The following RNLS variants were observed in gnomAD, a reference collection of about 807,000 sequenced individuals.
The protein encoded by RNLS is renalase.
In RNLS, 39 loss-of-function variants were observed where a neutral mutation model predicts 39.8. The observed-to-expected ratio is 0.98, with a 90% CI of 0.76 to 1.28. RNLS has a LOEUF of 1.28. Ranked by LOEUF, RNLS falls within the 50% of genes most tolerant of loss-of-function variation. The probability of loss-of-function intolerance (pLI) is 0.00; values close to 1 mark genes in which losing one functional copy is unlikely to be tolerated. For missense variants in RNLS, 410 were observed against 413.3 expected, an observed-to-expected ratio of 0.99 and a Z score of 0.07; for synonymous variants, 147 against 150.7, an observed-to-expected ratio of 0.98 and a Z score of 0.18.
chr10:88,524,384 A>G (rs1013403826), intron 4 of RNLS, among the ~76,000 whole-genome samples: 1 of 152,154 alleles, frequency 6.6e-6, no homozygotes, highest in Non-Finnish European at 1.5e-5. Flanking sequence ...ACAGTATGGT[A>G]TAGTATATAG....
intron 4 of RNLS, among the ~76,000 whole-genome samples, chr10:88,524,142 G>T (rs941630702): frequency 6.6e-6 from 1 of 151,886 alleles, no homozygotes; most frequent in Non-Finnish European, 1.5e-5. Flanking sequence ...AAGCTCTTTA[G>T]GTTTCCTGGC....
At chr10:88,579,394 G>A (rs1350613354) in intron 3 of RNLS, among the ~76,000 whole-genome samples, 1 of 152,122 alleles carries the variant, frequency 6.6e-6, no homozygotes, top group Admixed American at 6.6e-5. Flanking sequence ...TAGGTTTTAT[G>A]GCTGGTTTGG....
intron 4 of RNLS, among the ~76,000 whole-genome samples, chr10:88,567,886 TA>T (rs1849602604): frequency 1.3e-5 from 2 of 152,314 alleles, no homozygotes; most frequent in South Asian, 4.1e-4. Context: ...ATTAGTGGCA[TA>T]AAAAGCCATT....
At chr10:88,396,023 A>T (rs1336416642) in intron 4 of RNLS, among the ~76,000 whole-genome samples, 3 of 152,104 alleles carry the variant, frequency 2.0e-5, no homozygotes, top group Non-Finnish European at 4.4e-5. Context: ...AAATCAAGAC[A>T]CTTTCAAATA....
chr10:88,180,640 T>C, the RNLS span, among the ~76,000 whole-genome samples: 3 of 152,226 alleles, frequency 2.0e-5, no homozygotes, highest in Non-Finnish European at 4.4e-5. Flanking sequence ...AAAATATATG[T>C]TAATCTAAAA....
In RNLS at chr10:88,428,515, T is replaced by C. The variant is rs117475421; in HGVS notation, c.527-65790A>G. 6.7e-3 allele frequency among the ~76,000 whole-genome samples: 1,020 copies of C among 152,044 alleles called. 44 individuals are homozygous for C. Among genetic ancestry groups the C allele is most frequent in the Admixed American group, 0.059 (906 of 15,240 alleles). Reference sequence around the variant, plus strand: ...AGACTGATAAGACTGTCCATGTGGTTTTGACCCTTGGAGAGGATAGTGGGA... The same window carrying C: ...AGACTGATAAGACTGTCCATGTGGTCTTGACCCTTGGAGAGGATAGTGGGA... On this transcript the variant is annotated intron_variant, in intron 4 of 6. Transcript: ENST00000331772.
intron 4 of RNLS, among the ~76,000 whole-genome samples, chr10:88,536,121 C>T (rs1205642292): frequency 1.3e-5 from 2 of 152,172 alleles, no homozygotes; most frequent in Non-Finnish European, 2.9e-5. Flanking sequence ...GATTTCACTT[C>T]TCTGAGCCTG....
At chr10:88,279,287 A>G (rs1219587963), downstream of RNLS, among the ~76,000 whole-genome samples, 2 of 152,184 alleles carry the variant, frequency 1.3e-5, no homozygotes, top group Non-Finnish European at 2.9e-5. Flanking sequence ...ACGGCTATCA[A>G]AGGGGATTAT....
chr10:88,240,225 C>A, the RNLS span, among the ~76,000 whole-genome samples: 1 of 152,166 alleles, frequency 6.6e-6, no homozygotes, highest in Non-Finnish European at 1.5e-5. Context: ...CTATCCAAAA[C>A]CCTCATCTCC....
At chr10:88,222,703 TA>T in the RNLS span, among the ~76,000 whole-genome samples, 108,552 of 151,978 alleles carry the variant, frequency 0.71, 39,313 homozygotes, top group African/African-American at 0.82. Flanking sequence ...GGTAAGTGTC[TA>T]ACCTTTGGAA....
At chr10:88,429,878 C>G (rs1254147330) in intron 4 of RNLS, among the ~76,000 whole-genome samples, 1 of 151,792 alleles carries the variant, frequency 6.6e-6, no homozygotes, top group African/African-American at 2.4e-5. Flanking sequence ...CTATTCGGTT[C>G]CGCTGATCCT....
chr10:88,479,793 C>CTTTT (rs11293313), intron 4 of RNLS, among the ~76,000 whole-genome samples: 1 of 139,326 alleles, frequency 7.2e-6, no homozygotes, highest in African/African-American at 2.7e-5. Flanking sequence ...TTCTTTTTTT[C>CTTTT]TTTTTTTTTT....
intron 6 of RNLS, among the ~76,000 whole-genome samples, chr10:88,287,963 G>T (rs1012092365): frequency 1.8e-4 from 28 of 152,100 alleles, no homozygotes; most frequent in Non-Finnish European, 7.4e-5. Context: ...TCAAAACCCA[G>T]ACAAGACTGG....
In RNLS at chr10:88,343,864, G is replaced by C. The variant is rs1392197170; in HGVS notation, c.700+18688C>G. ...TAGTCCTTTAATTGAAACGTCCCTG[G>C]AGCAGAGGATTTGTCCTAACTCACA... On this transcript the variant is annotated intron_variant, in intron 5 of 6. Coordinates refer to ENST00000331772, the MANE Select transcript of RNLS (RefSeq NM_001031709.3). 5.2e-6 allele frequency: 5 copies of C among 969,442 alleles called. No homozygotes were observed. In the East Asian group the frequency reaches 5.7e-4, roughly 111 times the overall value. The allele number at this position is 969,442 out of a possible 1,614,324, so 60.1% of individuals were successfully genotyped here. A position where few individuals can be genotyped will look rare whatever the true frequency, so the allele number is the denominator to read the frequency against.
At chr10:88,179,903 G>C in the RNLS span, among the ~76,000 whole-genome samples, 1 of 152,188 alleles carries the variant, frequency 6.6e-6, no homozygotes, top group South Asian at 2.1e-4. Flanking sequence ...AACAGAAATG[G>C]TTGCTTAAGA....
chr10:88,251,377 A>G, the RNLS span, among the ~76,000 whole-genome samples: 1 of 152,238 alleles, frequency 6.6e-6, no homozygotes, highest in Non-Finnish European at 1.5e-5. Context: ...GTGACTTTGA[A>G]CAATTTACCT....
At chr10:88,486,634 G>A (rs987127499) in intron 4 of RNLS, among the ~76,000 whole-genome samples, 3 of 152,054 alleles carry the variant, frequency 2.0e-5, no homozygotes, top group Non-Finnish European at 4.4e-5. Flanking sequence ...GATCACTAGA[G>A]AACTGCAAAT....
At chr10:88,220,953 T>C in the RNLS span, among the ~76,000 whole-genome samples, 11 of 152,210 alleles carry the variant, frequency 7.2e-5, no homozygotes, top group Non-Finnish European at 1.5e-4. Flanking sequence ...GTGACAGAGT[T>C]CGGATTGAGT....
At chr10:88,402,515 T>C (rs1852995240) in intron 4 of RNLS, among the ~76,000 whole-genome samples, 1 of 151,990 alleles carries the variant, frequency 6.6e-6, no homozygotes, top group African/African-American at 2.4e-5. Flanking sequence ...AAAAGTTTCT[T>C]TTTTATAATA....
Sources: gnomAD v4.1 joint callset for allele counts (sites outside exome capture counted in the v4.1 genomes callset) on GRCh38, gnomAD v4.1.1 for gene constraint, MANE v1.5 for transcripts, NCBI Gene and HGNC (gene_info 2026-07-23, HGNC 2026-07-21) for gene names.